Variants in MCU observed in about 807,000 individuals in gnomAD.
MCU encodes the protein calcium uniporter protein, mitochondrial.
MCU carries 12 observed loss-of-function variants against 45.2 expected under a neutral mutation model. The ratio of observed to expected loss-of-function variants is 0.27; its 90% CI spans 0.17 to 0.43. The LOEUF is 0.43. Among genes scored for constraint, MCU ranks in the 20% least tolerant of loss-of-function variants. The pLI is 1.00. For synonymous variants in MCU, 160 were observed against 165.1 expected (o/e 0.97, Z 0.24); for missense variants, 324 against 436.7 (o/e 0.74, Z 2.30).
At chr10:72,828,475 C>G (rs1033135205) in intron 1 of MCU, among the ~76,000 whole-genome samples, 1 of 151,916 alleles carries the variant, frequency 6.6e-6, no homozygotes, top group Non-Finnish European at 1.5e-5. Flanking sequence ...TCTCTCTCCC[C>G]CTGCCACTCC....
chr10:72,816,770 C>T (rs144504166), intron 1 of MCU, among the ~76,000 whole-genome samples: 113 of 152,224 alleles, frequency 7.4e-4, no homozygotes, highest in African/African-American at 2.7e-3. Flanking sequence ...ACAAAACAAA[C>T]AAAAACTAGT....
rs1160353409 is a variant in MCU, at chr10:72,714,345, C to CTTTT, written c.150+22064_150+22067dup. ...TTACTTCAGTTCCCCCCGCCCTGGTCTTTTTTTTTTTTTTTTTTTTTTTAA... is the reference window on the plus strand; with the variant it reads ...TTACTTCAGTTCCCCCCGCCCTGGTCTTTTTTTTTTTTTTTTTTTTTTTTTTTAA... On this transcript the variant is annotated intron_variant, in intron 1 of 7. Transcript: ENST00000373053. Among the ~76,000 whole-genome samples, 222 of 54,734 alleles carry CTTTT rather than the reference C, an allele frequency of 4.1e-3. 44 individuals are homozygous for CTTTT. The highest frequency in any genetic ancestry group is 0.015 in the Middle Eastern group (1 of 66). The allele number at this position is 54,734 out of a possible 152,430, so 35.9% of individuals were successfully genotyped here. A position where few individuals can be genotyped will look rare whatever the true frequency, so the allele number is the denominator to read the frequency against.
chr10:72,738,002 T>C (rs1843274779), intron 1 of MCU, among the ~76,000 whole-genome samples: 1 of 152,204 alleles, frequency 6.6e-6, no homozygotes, highest in African/African-American at 2.4e-5. Flanking sequence ...CAATTGCTGC[T>C]TTAGTAGTCT....
intron 1 of MCU, among the ~76,000 whole-genome samples, chr10:72,750,017 T>C (rs1589443609): frequency 6.6e-6 from 1 of 151,626 alleles, no homozygotes; most frequent in South Asian, 2.1e-4. Flanking sequence ...TGACTTCAGG[T>C]GATCCGCCTG....
chr10:72,780,810 C>A (rs1303004565), intron 1 of MCU, among the ~76,000 whole-genome samples: 2 of 152,114 alleles, frequency 1.3e-5, no homozygotes, highest in Admixed American at 6.6e-5. Context: ...ATCTTCCTTA[C>A]ACTCACAGGC....
In MCU at chr10:72,868,511, C is replaced by T. The variant is rs139001355; in HGVS notation, c.497-192C>T. On this transcript the variant is annotated intron_variant, in intron 4 of 7. Transcript: ENST00000373053. ...GGGCTGCAGTGAGCCAAGATCACAC[C>T]ACTGCACTCCAGCCTGGGTGATAGA... Among the ~76,000 whole-genome samples the T allele has an allele frequency of 3.0e-3, 456 of 150,628 alleles. 4 individuals are homozygous for T. The highest frequency in any genetic ancestry group is 0.01 in the African/African-American group (427 of 40,886).
chr10:72,818,900 A>G (rs1045354750), intron 1 of MCU, among the ~76,000 whole-genome samples: 1 of 152,086 alleles, frequency 6.6e-6, no homozygotes, highest in Non-Finnish European at 1.5e-5. Context: ...CTGTTAAATG[A>G]TATTAAACAT....
chr10:72,754,793 G>A (rs900848591), intron 1 of MCU, among the ~76,000 whole-genome samples: 3 of 152,120 alleles, frequency 2.0e-5, no homozygotes, highest in African/African-American at 7.2e-5. Context: ...GTGCATCACT[G>A]CACTCCAGCC....
At chr10:72,861,057 C>G (rs993524919) in intron 4 of MCU, among the ~76,000 whole-genome samples, 3 of 152,034 alleles carry the variant, frequency 2.0e-5, no homozygotes, top group Non-Finnish European at 2.9e-5. Context: ...CAAGATCTCA[C>G]CCTGTCACCC....
At chr10:72,765,086 T>TAAAA (rs529761895) in intron 1 of MCU, among the ~76,000 whole-genome samples, 69 of 123,500 alleles carry the variant, frequency 5.6e-4, no homozygotes, top group African/African-American at 1.9e-3. Context: ...CCCCATCTCT[T>TAAAA]AAAAAAAAAA....
intron 1 of MCU, among the ~76,000 whole-genome samples, chr10:72,808,014 C>T (rs1203528188): frequency 2.0e-5 from 3 of 152,152 alleles, no homozygotes; most frequent in African/African-American, 7.2e-5. Context: ...TATTGACAAG[C>T]TTATTTTACT....
At chr10:72,852,029 C>T (rs998852313) in intron 2 of MCU, among the ~76,000 whole-genome samples, 1 of 152,106 alleles carries the variant, frequency 6.6e-6, no homozygotes, top group Non-Finnish European at 1.5e-5. Flanking sequence ...ATTTCAGACT[C>T]ACAGATTCTA....
At chr10:72,767,158 G>A (rs1843739193) in intron 1 of MCU, 1 of 152,096 alleles carries the variant, frequency 6.6e-6, no homozygotes, top group Non-Finnish European at 1.5e-5. Flanking sequence ...GTTATTTTGT[G>A]AAAAGGATGA....
chr10:72,746,020 A>C (rs553916926), intron 1 of MCU, among the ~76,000 whole-genome samples: 1 of 152,204 alleles, frequency 6.6e-6, no homozygotes, highest in East Asian at 1.9e-4. Flanking sequence ...AGGGCATCCC[A>C]GCTTTTCCTG....
At chr10:72,696,801 C>A (rs972783156) in intron 1 of MCU, among the ~76,000 whole-genome samples, 2 of 152,072 alleles carry the variant, frequency 1.3e-5, no homozygotes, top group Admixed American at 6.6e-5. Flanking sequence ...TCTCCCTATC[C>A]CCCTACCCCC....
At chr10:72,828,959 G>T (rs1180133461) in intron 1 of MCU, among the ~76,000 whole-genome samples, 1 of 152,272 alleles carries the variant, frequency 6.6e-6, no homozygotes, top group East Asian at 1.9e-4. Context: ...GGTACCAAAA[G>T]AATAAACTTG....
intron 2 of MCU, among the ~76,000 whole-genome samples, chr10:72,852,761 AGAG>A (rs1246232986): frequency 6.6e-6 from 1 of 152,256 alleles, no homozygotes; most frequent in East Asian, 1.9e-4. Flanking sequence ...ATGAAGAGAA[AGAG>A]GAGTCTCGGA....
chr10:72,834,357 A>G lies in MCU; in HGVS notation c.151-2A>G. The G allele has an allele frequency of 6.2e-7, 1 of 1,612,756 alleles. No homozygotes were observed. Among genetic ancestry groups the G allele is most frequent in the Non-Finnish European group, 8.5e-7 (1 of 1,178,914 alleles). On this transcript the variant is annotated splice_acceptor_variant, in intron 1 of 7. Transcript: ENST00000373053. LOFTEE classifies it high-confidence loss of function. ...AGTAGATGTATCTTTTGTGTTTTCT[A>G]GGTACACCAGAGGATCGCTTCCTGG...
At chr10:72,836,557 A>G (rs1317018316) in intron 2 of MCU, among the ~76,000 whole-genome samples, 1 of 152,196 alleles carries the variant, frequency 6.6e-6, no homozygotes, top group Non-Finnish European at 1.5e-5. Context: ...TAATTTAACA[A>G]TGGTACAGTT....
Sources: allele counts gnomAD v4.1 joint callset (sites outside exome capture counted in the v4.1 genomes callset), GRCh38; gene constraint gnomAD v4.1.1; transcripts MANE v1.5; gene names NCBI Gene and HGNC (gene_info 2026-07-23, HGNC 2026-07-21).